RBFOX1: variants seen among roughly 807,000 people sequenced by gnomAD.
RBFOX1 encodes RNA binding fox-1 homolog 1, also known as RNA binding protein fox-1 homolog 1.
A neutral mutation model predicts 57.7 loss-of-function variants in RBFOX1; 8 were observed. That is an observed-to-expected ratio of 0.14 (90% CI 0.08 to 0.25). The LOEUF is 0.25. Among genes scored for constraint, RBFOX1 ranks in the 10% least tolerant of loss-of-function variants. The probability of loss-of-function intolerance (pLI) is 1.00; values close to 1 mark genes in which losing one functional copy is unlikely to be tolerated. For missense variants in RBFOX1, 611 were observed against 548.5 expected (o/e 1.11, Z -1.14); for synonymous variants, 326 against 222.4 (o/e 1.47, Z -4.15).
chr16:6,156,924 C>T (rs562388453), intron 1 of RBFOX1, among the ~76,000 whole-genome samples: 29 of 152,186 alleles, frequency 1.9e-4, no homozygotes, highest in Admixed American at 4.6e-4. Flanking sequence ...ACCATAGCCC[C>T]GAACTCCTGA....
intron 3 of RBFOX1, among the ~76,000 whole-genome samples, chr16:6,863,897 C>G (rs1004470603): frequency 5.3e-5 from 8 of 151,474 alleles, no homozygotes; most frequent in Non-Finnish European, 7.4e-5. Flanking sequence ...AAACAGTTAC[C>G]AATCCATTGC....
At chr16:7,086,295 T>G (rs758666686) in intron 4 of RBFOX1, among the ~76,000 whole-genome samples, 1 of 152,228 alleles carries the variant, frequency 6.6e-6, no homozygotes, top group Non-Finnish European at 1.5e-5. Context: ...GTTTTCTCTG[T>G]GTGCCATGTA....
In RBFOX1 at chr16:6,280,579, T is replaced by A. The variant is rs539951353; in HGVS notation, c.-126-36416T>A. Among the ~76,000 whole-genome samples the A allele has an allele frequency of 1.3e-3, 191 of 152,262 alleles. 1 individual carries two copies. The highest frequency in any genetic ancestry group is 3.4e-3 in the Middle Eastern group (1 of 294). ...GAGGAGGACATAAGCACACAGGCAC[T>A]TAGACAATGTAATGTCGCAGTACTC... On this transcript the variant is annotated intron_variant, in intron 1 of 15. Transcript: ENST00000550418.
intron 2 of RBFOX1, among the ~76,000 whole-genome samples, chr16:6,529,589 A>G (rs1031814635): frequency 1.3e-5 from 2 of 151,310 alleles, no homozygotes; most frequent in African/African-American, 4.9e-5. Flanking sequence ...ATAATATATT[A>G]TTATTTATCC....
intron 4 of RBFOX1, among the ~76,000 whole-genome samples, chr16:7,140,063 A>G (rs1165692302): frequency 2.0e-5 from 3 of 151,804 alleles, no homozygotes; most frequent in Non-Finnish European, 4.4e-5. Context: ...TTAGCCAAAG[A>G]ATGGTAGGCT....
intron 1 of RBFOX1, among the ~76,000 whole-genome samples, chr16:5,349,490 A>G (rs578010420): frequency 5.2e-4 from 79 of 152,262 alleles, no homozygotes; most frequent in Non-Finnish European, 1.2e-4. Context: ...CCTGGCCAAC[A>G]TGGCGATCCT....
intron 3 of RBFOX1, among the ~76,000 whole-genome samples, chr16:7,009,433 C>T (rs1210547074): frequency 6.6e-6 from 1 of 151,754 alleles, no homozygotes; most frequent in East Asian, 2.0e-4. Flanking sequence ...TTGCAAGAAA[C>T]CCTGCAGATC....
In RBFOX1 at chr16:7,589,471, C is replaced by T. The variant is rs374972260; in HGVS notation, c.468+2171C>T. 2.0e-5 allele frequency among the ~76,000 whole-genome samples: 3 copies of T among 151,880 alleles called. No homozygotes were observed. The East Asian group carries it at 5.8e-4, about 30-fold the overall frequency. ...AAAGACCATTTAAGTTTGCTGCATC[C>T]AGAGCCTGACTTTGTGAAGCTGCCT... On this transcript the variant is annotated intron_variant, in intron 7 of 15. Transcript: ENST00000550418.
chr16:6,735,630 A>C (rs1381551512), intron 3 of RBFOX1, among the ~76,000 whole-genome samples: 2 of 152,168 alleles, frequency 1.3e-5, no homozygotes, highest in African/African-American at 4.8e-5. Context: ...GTTGTGTAAC[A>C]TTGGATCGAT....
At chr16:5,782,334 G>A (rs950285357) in intron 3 of RBFOX1, among the ~76,000 whole-genome samples, 12 of 152,200 alleles carry the variant, frequency 7.9e-5, no homozygotes, top group African/African-American at 2.9e-4. Context: ...ATCCAAGAAT[G>A]TTGTGTCCTC....
chr16:7,112,550 C>A (rs996674570), intron 4 of RBFOX1, among the ~76,000 whole-genome samples: 1 of 152,006 alleles, frequency 6.6e-6, no homozygotes, highest in Non-Finnish European at 1.5e-5. Flanking sequence ...AAGTCAGAAC[C>A]TTTAATAGCT....
intron 2 of RBFOX1, among the ~76,000 whole-genome samples, chr16:5,538,851 C>G (rs1267025266): frequency 1.3e-5 from 2 of 152,074 alleles, no homozygotes; most frequent in East Asian, 1.9e-4. Context: ...TGTTCTCGAT[C>G]TCCTGACATC....
Position 5,533,284 on chromosome 16 carries a change from A to G in RBFOX1, c.259-65618A>G, listed in dbSNP as rs114591661. 8.3e-3 allele frequency among the ~76,000 whole-genome samples: 1,260 copies of G among 152,330 alleles called. 24 individuals are homozygous for G. Among genetic ancestry groups the G allele is most frequent in the African/African-American group, 0.028 (1,179 of 41,574 alleles). ...GCAGAAATTCAACTCTAATGCTTTG[A>G]GTAACAAGCATCATGTTTTAATAGG... On this transcript the variant is annotated intron_variant, in intron 2 of 2. Coordinates refer to the RBFOX1 transcript ENST00000585867.
intron 1 of RBFOX1, among the ~76,000 whole-genome samples, chr16:6,292,240 A>C (rs2077544932): frequency 6.6e-6 from 1 of 152,176 alleles, no homozygotes; most frequent in Non-Finnish European, 1.5e-5. Context: ...AGCCTGGGTA[A>C]GAAAGTGAGA....
intron 4 of RBFOX1, among the ~76,000 whole-genome samples, chr16:7,463,309 G>A (rs977196159): frequency 3.3e-5 from 5 of 152,142 alleles, no homozygotes; most frequent in Admixed American, 2.0e-4. Context: ...TTCAAGACCA[G>A]CATGGGCAAC....
intron 3 of RBFOX1, among the ~76,000 whole-genome samples, chr16:6,881,899 G>C (rs546783343): frequency 1.0e-3 from 156 of 152,270 alleles, no homozygotes; most frequent in Non-Finnish European, 1.4e-3. Flanking sequence ...TGGAGTTGCT[G>C]TATAGCAGGA....
chr16:5,239,959 G>A (rs1290469945), exon 1 of RBFOX1: 6 of 1,528,968 alleles, frequency 3.9e-6, no homozygotes, highest in Admixed American at 2.0e-5. Flanking sequence ...CAGGAGGGAG[G>A]AGGACGACGT....
intron 3 of RBFOX1, among the ~76,000 whole-genome samples, chr16:6,725,090 G>T (rs180842748): frequency 6.7e-5 from 8 of 120,006 alleles, no homozygotes; most frequent in African/African-American, 2.5e-4. Context: ...TTGCTCTGTC[G>T]CCCTTGCTGG....
chr16:6,875,038 G>C (rs2061583998), intron 3 of RBFOX1, among the ~76,000 whole-genome samples: 1 of 152,160 alleles, frequency 6.6e-6, no homozygotes, highest in Non-Finnish European at 1.5e-5. Context: ...TTGTGAGTGG[G>C]AGCAAGTGTG....
Sources: gnomAD v4.1 joint callset for allele counts (sites outside exome capture counted in the v4.1 genomes callset) on GRCh38, gnomAD v4.1.1 for gene constraint, MANE v1.5 for transcripts, NCBI Gene and HGNC (gene_info 2026-07-23, HGNC 2026-07-21) for gene names.